Variants in CCDC85A observed in about 807,000 individuals in gnomAD.
CCDC85A encodes the protein coiled-coil domain-containing protein 85A.
CCDC85A carries 38 observed loss-of-function variants against 50.2 expected under a neutral mutation model. The observed-to-expected ratio is 0.76, with a 90% CI of 0.58 to 0.99. The LOEUF is 0.99. Among genes scored for constraint, CCDC85A ranks in the 50% least tolerant of loss-of-function variants. The pLI is 0.00. For missense variants in CCDC85A, 820 were observed against 742.0 expected (o/e 1.11, Z -1.22); for synonymous variants, 366 against 301.4 (o/e 1.21, Z -2.22).
At chr2:56,205,737 C>T (rs1438128246) in intron 2 of CCDC85A, among the ~76,000 whole-genome samples, 3 of 152,168 alleles carry the variant, frequency 2.0e-5, no homozygotes, top group African/African-American at 4.8e-5. Flanking sequence ...TAAACACATA[C>T]TCATTTATTC....
chr2:56,328,313 T>A (rs1042090111), intron 2 of CCDC85A, among the ~76,000 whole-genome samples: 1 of 151,890 alleles, frequency 6.6e-6, no homozygotes, highest in Non-Finnish European at 1.5e-5. Flanking sequence ...CATAGGAGAT[T>A]TGTGTCTTTG....
Position 56,384,256 on chromosome 2 carries a change from T to A in CCDC85A, c.1573-10T>A. The A allele has an allele frequency of 6.2e-7, 1 of 1,610,052 alleles. No homozygotes were observed. The highest frequency in any genetic ancestry group is 1.7e-5 in the Admixed American group (1 of 59,678). ...AAGTAAGATACTCACTCCTTCTTTTTTTTTTTAAGGTTGTGTGGAGGAAAC... is the reference window on the plus strand; with the variant it reads ...AAGTAAGATACTCACTCCTTCTTTTATTTTTTAAGGTTGTGTGGAGGAAAC... On this transcript the variant is annotated splice_polypyrimidine_tract_variant and intron_variant, in intron 5 of 5. Coordinates refer to ENST00000407595, the MANE Select transcript of CCDC85A (RefSeq NM_001080433.2).
chr2:56,288,884 C>T (rs975419117), intron 2 of CCDC85A, among the ~76,000 whole-genome samples: 1 of 152,176 alleles, frequency 6.6e-6, no homozygotes, highest in Non-Finnish European at 1.5e-5. Flanking sequence ...GGGGAGAAAT[C>T]ACATCTGCTC....
At chr2:56,314,529 C>G (rs1257069843) in intron 2 of CCDC85A, among the ~76,000 whole-genome samples, 2 of 152,016 alleles carry the variant, frequency 1.3e-5, no homozygotes, top group African/African-American at 4.8e-5. Context: ...CCATCATTGC[C>G]AAGATTTATA....
chr2:56,369,852 C>T lies in CCDC85A; in HGVS notation c.1318-2492C>T, dbSNP rs541365004. On this transcript the variant is annotated intron_variant, in intron 3 of 5. Transcript: ENST00000407595. ...ACTTCGTTTTCTGAAAAACCCTACA[C>T]TATTACCTCTATAGAAGTTTCCAGA... Among the ~76,000 whole-genome samples, 7 of 152,196 alleles carry T rather than the reference C, an allele frequency of 4.6e-5. No individual in the cohort carries two copies. The East Asian group carries it at 5.8e-4, about 13-fold the overall frequency.
At chr2:56,343,805 A>T (rs1267738213) in intron 3 of CCDC85A, among the ~76,000 whole-genome samples, 5 of 152,208 alleles carry the variant, frequency 3.3e-5, no homozygotes, top group Admixed American at 3.3e-4. Context: ...ACCTCAAACA[A>T]CTAGTAAGCA....
chr2:56,274,937 G>C (rs890659038), intron 2 of CCDC85A, among the ~76,000 whole-genome samples: 1 of 152,116 alleles, frequency 6.6e-6, no homozygotes, highest in Non-Finnish European at 1.5e-5. Flanking sequence ...GGCCTTCTTG[G>C]TGTGTGTGGG....
intron 2 of CCDC85A, among the ~76,000 whole-genome samples, chr2:56,280,059 A>C (rs929309902): frequency 6.6e-6 from 1 of 152,228 alleles, no homozygotes; most frequent in East Asian, 1.9e-4. Context: ...CGTGAACTAC[A>C]TACTATCCTC....
At chr2:56,358,367 A>G (rs987099746) in intron 3 of CCDC85A, among the ~76,000 whole-genome samples, 3 of 152,236 alleles carry the variant, frequency 2.0e-5, no homozygotes, top group Non-Finnish European at 4.4e-5. Context: ...GTTACTCAGC[A>G]AAGGACATTT....
chr2:56,203,443 A>G (rs1308340197), intron 2 of CCDC85A, among the ~76,000 whole-genome samples: 1 of 151,906 alleles, frequency 6.6e-6, no homozygotes, highest in Non-Finnish European at 1.5e-5. Flanking sequence ...CTAAAACTAT[A>G]TGCCATGTGG....
intron 2 of CCDC85A, among the ~76,000 whole-genome samples, chr2:56,270,065 C>T (rs939316178): frequency 1.3e-5 from 2 of 152,220 alleles, no homozygotes; most frequent in African/African-American, 4.8e-5. Flanking sequence ...TACCTGTTTT[C>T]GTTTCATTGC....
chr2:56,278,013 A>T (rs1250085072), intron 2 of CCDC85A, among the ~76,000 whole-genome samples: 1 of 152,114 alleles, frequency 6.6e-6, no homozygotes, highest in Non-Finnish European at 1.5e-5. Context: ...AACATGGGGG[A>T]GATGAGGCTG....
intron 2 of CCDC85A, among the ~76,000 whole-genome samples, chr2:56,257,776 A>C (rs1670047491): frequency 6.6e-6 from 1 of 152,214 alleles, no homozygotes. Context: ...GATGTTATAC[A>C]TGAGAAATGA....
At chr2:56,325,149 T>C (rs903805044) in intron 2 of CCDC85A, among the ~76,000 whole-genome samples, 1 of 152,122 alleles carries the variant, frequency 6.6e-6, no homozygotes, top group African/African-American at 2.4e-5. Flanking sequence ...TGTGATAATA[T>C]AAAATTAATC....
intron 2 of CCDC85A, among the ~76,000 whole-genome samples, chr2:56,285,357 G>A (rs1394152205): frequency 2.0e-5 from 3 of 150,222 alleles, no homozygotes; most frequent in Non-Finnish European, 3.0e-5. Flanking sequence ...ACCTACCTTG[G>A]CCTCCCAGAG....
At chr2:56,355,210 C>G (rs1297292186) in intron 3 of CCDC85A, among the ~76,000 whole-genome samples, 1 of 152,136 alleles carries the variant, frequency 6.6e-6, no homozygotes, top group African/African-American at 2.4e-5. Flanking sequence ...GAGAAAATTC[C>G]CCCACCCTTA....
At chr2:56,254,357 G>A (rs1435444349) in intron 2 of CCDC85A, among the ~76,000 whole-genome samples, 1 of 151,182 alleles carries the variant, frequency 6.6e-6, no homozygotes, top group Non-Finnish European at 1.5e-5. Flanking sequence ...TGGTAGCAGT[G>A]GTATCAAGGA....
intron 2 of CCDC85A, among the ~76,000 whole-genome samples, chr2:56,269,714 C>T (rs1260481845): frequency 6.6e-6 from 1 of 152,162 alleles, no homozygotes; most frequent in Non-Finnish European, 1.5e-5. Flanking sequence ...TTAATTCTCC[C>T]ATTAGCACCA....
intron 2 of CCDC85A, among the ~76,000 whole-genome samples, chr2:56,254,760 G>C (rs1257425437): frequency 6.6e-6 from 1 of 152,212 alleles, no homozygotes; most frequent in Admixed American, 6.5e-5. Context: ...TCTAGCCAGG[G>C]ACATCAGCAG....
Sources: gnomAD v4.1 joint callset for allele counts (sites outside exome capture counted in the v4.1 genomes callset) on GRCh38, gnomAD v4.1.1 for gene constraint, MANE v1.5 for transcripts, NCBI Gene and HGNC (gene_info 2026-07-23, HGNC 2026-07-21) for gene names.